The following EIF4A3 variants were observed in gnomAD, a reference collection of about 807,000 sequenced individuals.
EIF4A3 encodes the protein eukaryotic translation initiation factor 4A3.
A neutral mutation model predicts 55.6 loss-of-function variants in EIF4A3; 1 was observed. That is an observed-to-expected ratio of 0.02 (90% CI 0.01 to 0.09). The LOEUF (loss-of-function observed/expected upper bound fraction) is 0.09. EIF4A3 is among the 10% of genes least tolerant of loss of function. The probability of loss-of-function intolerance (pLI) is 1.00; values close to 1 mark genes in which losing one functional copy is unlikely to be tolerated. For synonymous variants in EIF4A3, 194 were observed against 196.3 expected, an observed-to-expected ratio of 0.99 and a Z score of 0.10; for missense variants, 221 against 540.7, an observed-to-expected ratio of 0.41 and a Z score of 5.86.
At position 80,137,398 on chromosome 17, in the gene EIF4A3, C is replaced by T. The variant is rs768473409; in HGVS notation, c.971G>A (p.Arg324Gln). 1.9e-6 allele frequency: 3 copies of T among 1,613,620 alleles called. No individual in the cohort carries two copies. Among genetic ancestry groups the T allele is most frequent in the Non-Finnish European group, 1.7e-6 (2 of 1,179,830 alleles). ...ATAGCAGACCCACCTGGCGCCCGACCGGAACTCCTTCATGATGGACTCCCG... is the reference window on the plus strand; with the variant it reads ...ATAGCAGACCCACCTGGCGCCCGACTGGAACTCCTTCATGATGGACTCCCG... ...KERESIMKEF[R>Q]SGASRVLIST... The change falls in exon 9 of 12, where the codon CGG becomes CAG. Residue 324 changes from arginine (R) to glutamine (Q), a missense_variant. By Grantham distance (43) the Arg-to-Gln change is conservative. Around this residue, in one of 4 missense-constraint regions of EIF4A3, gnomAD observed 93 missense variants for 278.5 expected, o/e 0.33. Transcript: ENST00000649764.
intron 3 of EIF4A3, 35 bp from the exon 4 acceptor site, chr17:80,141,416 G>A (rs200797246): frequency 4.8e-5 from 77 of 1,595,230 alleles, no homozygotes; most frequent in Non-Finnish European, 5.9e-5. Flanking sequence ...TAGAGAATCC[G>A]CAGTATTATC....
At chr17:80,146,359 T>C (rs935119090) in intron 1 of EIF4A3, among the ~76,000 whole-genome samples, 20 of 152,092 alleles carry the variant, frequency 1.3e-4, no homozygotes, top group Admixed American at 7.9e-4. Flanking sequence ...TCTATTCAAT[T>C]ACCCCGCTTC....
chr17:80,137,616 CT>C (rs1318452933), intron 8 of EIF4A3, 115 bp from the exon 9 acceptor site: 7 of 777,974 alleles, frequency 9.0e-6, no homozygotes, highest in Non-Finnish European at 1.4e-5. Context: ...AAGGTAACTG[CT>C]CTTAAAACTC....
rs1487140116 is a variant in EIF4A3 at position 80,144,204 on chromosome 17, C to T, written c.210G>A (p.Lys70=). 6.2e-7 allele frequency: 1 copy of T among 1,614,066 alleles called. No individual in the cohort carries two copies. The highest frequency in any genetic ancestry group is 1.7e-5 in the Admixed American group (1 of 59,994). ...TGACATCTCTCCCTTTGATGATCTG[C>T]TTGATTGCTCGTTGCTGGATTGCTG... The part of the protein sequence containing the change: ...KPSAIQQRAI[K]QIIKGRDVIA... Residue 70 remains lysine (K), a synonymous_variant, in exon 2 of 12, where the codon AAG becomes AAA. Coordinates refer to ENST00000649764, the MANE Select transcript of EIF4A3 (RefSeq NM_014740.4).
At position 80,135,932 on chromosome 17, in the gene EIF4A3, A is replaced by C. The variant is rs555089132; in HGVS notation, c.1219+72T>G. On this transcript the variant is annotated intron_variant, in intron 11 of 11. Transcript: ENST00000649764. ...AAAAAACCCACAACAACAAAAAAAC[A>C]AACTCAGGTGCCCCAAACTAAGAAT... 9.0e-5 allele frequency: 140 copies of C among 1,554,404 alleles called. 1 individual carries two copies. The South Asian group carries it at 1.6e-3, about 18-fold the overall frequency.
chr17:80,136,450 T>C, intron 9 of EIF4A3, 115 bp from the exon 10 acceptor site: 1 of 764,894 alleles, frequency 1.3e-6, no homozygotes, highest in Non-Finnish European at 2.1e-6. Context: ...ATATACGAGA[T>C]TCTCCTCTCT....
Position 80,146,908 on chromosome 17 carries a change from G to C in EIF4A3, c.54C>G (p.Leu18=). ...CCACTTTAGTCATGTCTTCCTCTTT[G>C]AGCAGCCGCTTTCGCGCCGAGCCCG... The part of the protein sequence containing the change: ...ATSGSARKRL[L]KEEDMTKVEF... Residue 18 remains leucine (L), a synonymous_variant, in exon 1 of 12, where the codon CTC becomes CTG. Coordinates refer to ENST00000649764, the MANE Select transcript of EIF4A3 (RefSeq NM_014740.4). 1 of 1,610,102 alleles carries C rather than the reference G, an allele frequency of 6.2e-7. No individual in the cohort carries two copies. Among genetic ancestry groups the C allele is most frequent in the Non-Finnish European group, 8.5e-7 (1 of 1,178,652 alleles).
At chr17:80,139,582 C>T in intron 6 of EIF4A3, 88 bp downstream of exon 6, 1 of 1,137,306 alleles carries the variant, frequency 8.8e-7, no homozygotes, top group Non-Finnish European at 1.3e-6. Context: ...ACATTCAGAA[C>T]AGTCACTGGC....
Position 80,138,429 on chromosome 17 carries a change from C to T in EIF4A3, c.729-149G>A, listed in dbSNP as rs938325048. 7.5e-6 allele frequency: 6 copies of T among 800,948 alleles called. No homozygotes were observed. In the African/African-American group the frequency reaches 1.0e-4, roughly 14 times the overall value. 49.6% of individuals were successfully genotyped at this position (800,948 alleles called of 1,614,324 possible). A position where few individuals can be genotyped will look rare whatever the true frequency, so the allele number is the denominator to read the frequency against. On this transcript the variant is annotated intron_variant, in intron 7 of 11. Transcript: ENST00000649764. ...CAGCAGCCCCAGCCCTGTCCTCCAT[C>T]CTATCACCACTTCCGTCACACAGGC...
rs373215829 is a variant in EIF4A3 at position 80,139,010 on chromosome 17, G to A, written c.728+11C>T. Reference sequence around the variant, plus strand: ...CAGTGTTTTAGTAAACTTGACAAGAGGGGCTCCTACCGTTTCACCAAGATG... The same window carrying A: ...CAGTGTTTTAGTAAACTTGACAAGAAGGGCTCCTACCGTTTCACCAAGATG... On this transcript the variant is annotated intron_variant, in intron 7 of 11. Transcript: ENST00000649764. The A allele has an allele frequency of 1.2e-6, 2 of 1,612,984 alleles. No individual in the cohort carries two copies. The highest frequency in any genetic ancestry group is 1.3e-5 in the African/African-American group (1 of 74,824).
intron 9 of EIF4A3, 139 bp downstream of exon 9, chr17:80,137,247 C>T (rs1194456728): frequency 3.0e-6 from 2 of 668,518 alleles, no homozygotes; most frequent in Admixed American, 6.9e-5. Flanking sequence ...AGGTTTTCTG[C>T]TCACCCAGGG....
Position 80,135,487 on chromosome 17 carries a change from G to C in EIF4A3, c.*3C>G. The C allele has an allele frequency of 6.4e-7, 1 of 1,557,760 alleles. No individual in the cohort carries two copies. Among genetic ancestry groups the C allele is most frequent in the African/African-American group, 1.4e-5 (1 of 73,554 alleles). The stretch of plus-strand genomic sequence containing the variant: ...GTCTCCCTCATCCCACTGATCTGCT[G>C]CTTCAGATAAGATCAGCAACTGAAA... On this transcript the variant is annotated 3_prime_UTR_variant, in exon 12 of 12. Coordinates refer to ENST00000649764, the MANE Select transcript of EIF4A3 (RefSeq NM_014740.4).
rs552912170 is a variant in EIF4A3 at position 80,142,984 on chromosome 17, G to A, written c.243-1136C>T. On this transcript the variant is annotated intron_variant, in intron 2 of 11. Transcript: ENST00000649764. ...AGGCTGCTATGAGCTGTAATCACACGACTGCACTCCAGTCTGGGAGACAGA... is the reference window on the plus strand; with the variant it reads ...AGGCTGCTATGAGCTGTAATCACACAACTGCACTCCAGTCTGGGAGACAGA... Among the ~76,000 whole-genome samples, 167 of 152,260 alleles carry A rather than the reference G, an allele frequency of 1.1e-3. 1 individual carries two copies. Among genetic ancestry groups the A allele is most frequent in the Middle Eastern group, 3.4e-3 (1 of 294 alleles).
In EIF4A3 at chr17:80,139,008, G is replaced by A. The variant is rs1188016511; in HGVS notation, c.728+13C>T. The stretch of plus-strand genomic sequence containing the variant: ...CCCAGTGTTTTAGTAAACTTGACAA[G>A]AGGGGCTCCTACCGTTTCACCAAGA... On this transcript the variant is annotated intron_variant, in intron 7 of 11. Coordinates refer to ENST00000649764, the MANE Select transcript of EIF4A3 (RefSeq NM_014740.4). 1 of 1,613,198 alleles carries A rather than the reference G, an allele frequency of 6.2e-7. No homozygotes were observed. Among genetic ancestry groups the A allele is most frequent in the Non-Finnish European group, 8.5e-7 (1 of 1,179,642 alleles).
chr17:80,145,646 C>T (rs2039653229), intron 1 of EIF4A3, among the ~76,000 whole-genome samples: 1 of 152,142 alleles, frequency 6.6e-6, no homozygotes, highest in African/African-American at 2.4e-5. Flanking sequence ...CCATTTATCC[C>T]AGATGCTGGT....
At chr17:80,146,432 C>T (rs765193970) in intron 1 of EIF4A3, among the ~76,000 whole-genome samples, 10 of 152,206 alleles carry the variant, frequency 6.6e-5, no homozygotes, top group Admixed American at 2.6e-4. Flanking sequence ...AATTCAAAAC[C>T]CGTAAAGGCG....
Position 80,137,113 on chromosome 17 carries a change from C to A in EIF4A3, c.983+273G>T, listed in dbSNP as rs1367505905. The A allele has an allele frequency of 2.2e-5, 7 of 319,670 alleles. No homozygotes were observed. The East Asian group carries it at 3.8e-4, about 17-fold the overall frequency. The allele number at this position is 319,670 out of a possible 1,614,324, so 19.8% of individuals were successfully genotyped here. A position where few individuals can be genotyped will look rare whatever the true frequency, so the allele number is the denominator to read the frequency against. On this transcript the variant is annotated intron_variant, in intron 9 of 11. Transcript: ENST00000649764. The stretch of plus-strand genomic sequence containing the variant: ...ACTAATCGAAACGATGAACAGAAAA[C>A]CCCCCTACTTACTGGAAAAGAAGAC...
intron 1 of EIF4A3, among the ~76,000 whole-genome samples, chr17:80,145,057 A>T (rs1367220822): frequency 3.3e-5 from 5 of 152,228 alleles, no homozygotes; most frequent in Admixed American, 3.3e-4. Flanking sequence ...TCCCATCTTA[A>T]CACAAATGCA....
Position 80,138,232 on chromosome 17 carries a change from C to T in EIF4A3, c.777G>A (p.Glu259=). The part of the protein sequence containing the change: ...EGIKQFFVAV[E]REEWKFDTLC... ...GAGTGTCAAATTTCCACTCTTCCCT[C>T]TCCACTGCCACGAAAAATTGCTTGA... Residue 259 remains glutamate (E), a synonymous_variant, in exon 8 of 12, where the codon GAG becomes GAA. Transcript: ENST00000649764. 1 of 1,614,132 alleles carries T rather than the reference C, an allele frequency of 6.2e-7. No individual in the cohort carries two copies. Among genetic ancestry groups the T allele is most frequent in the Non-Finnish European group, 8.5e-7 (1 of 1,180,034 alleles).
Sources: gnomAD v4.1 joint callset for allele counts (sites outside exome capture counted in the v4.1 genomes callset) on GRCh38, gnomAD v4.1.1 for gene constraint, gnomAD v4.1.1 regional missense constraint, MANE v1.5 for transcripts, NCBI Gene and HGNC (gene_info 2026-07-23, HGNC 2026-07-21) for gene names.